Variants in PWWP2B observed in about 807,000 individuals in gnomAD.
The protein encoded by PWWP2B is PWWP domain containing 2B.
A neutral mutation model predicts 15.5 loss-of-function variants in PWWP2B; 9 were observed. The ratio of observed to expected loss-of-function variants is 0.58; its 90% CI spans 0.35 to 1.02. The LOEUF (loss-of-function observed/expected upper bound fraction) is 1.02, where lower values mean the gene tolerates loss of function less well. Among genes scored for constraint, PWWP2B ranks in the 50% least tolerant of loss-of-function variants. The pLI, the probability that PWWP2B is intolerant of heterozygous loss-of-function variation, is 0.02. For missense variants in PWWP2B, 864 were observed against 865.3 expected (o/e 1.00, Z 0.02); for synonymous variants, 474 against 403.6 (o/e 1.17, Z -2.09).
intron 1 of PWWP2B, among the ~76,000 whole-genome samples, 158 bp downstream of exon 1, chr10:132,397,509 G>A (rs1450859235): frequency 6.6e-6 from 1 of 151,128 alleles, no homozygotes; most frequent in African/African-American, 2.4e-5. Flanking sequence ...GCGCGAGCGC[G>A]GCCGCCACTC....
intron 1 of PWWP2B, among the ~76,000 whole-genome samples, chr10:132,403,919 C>G (rs1386567318): frequency 2.1e-5 from 3 of 145,872 alleles, no homozygotes; most frequent in Non-Finnish European, 4.6e-5. Flanking sequence ...TGGGCCATCT[C>G]CAGAGGGCTC....
intron 2 of PWWP2B, among the ~76,000 whole-genome samples, chr10:132,411,466 A>C (rs1267766855): frequency 6.6e-6 from 1 of 152,236 alleles, no homozygotes; most frequent in Non-Finnish European, 1.5e-5. Flanking sequence ...GGCACAGCCC[A>C]GGGTCCACCC....
In PWWP2B at chr10:132,417,408, G is replaced by T. The variant is rs1439042014; in HGVS notation, c.*364G>T. ...GCCTCACCTGCTGCCCGCATGCTGG[G>T]GTCCCATGGAGGAACCAGGCCTGGC... On this transcript the variant is annotated 3_prime_UTR_variant, in exon 3 of 3. Coordinates refer to ENST00000305233, the MANE Select transcript of PWWP2B (RefSeq NM_138499.4). The T allele has an allele frequency of 4.9e-6, 2 of 409,680 alleles. No homozygotes were observed. Among genetic ancestry groups the T allele is most frequent in the African/African-American group, 2.1e-5 (1 of 48,254 alleles). 25.4% of individuals were successfully genotyped at this position (409,680 alleles called of 1,614,324 possible). A position where few individuals can be genotyped will look rare whatever the true frequency, so the allele number is the denominator to read the frequency against.
chr10:132,412,550 G>C (rs904977140), intron 2 of PWWP2B, among the ~76,000 whole-genome samples: 1 of 152,202 alleles, frequency 6.6e-6, no homozygotes, highest in African/African-American at 2.4e-5. Flanking sequence ...GCTTGGGGTT[G>C]TTGGCCTAAT....
In PWWP2B at chr10:132,397,364, G is replaced by C; in HGVS notation, c.125+13G>C. ...ACTGCACGAAAAAGTGAGCGGGGGC[G>C]CGGGCCGGGACACCCCCGGGGTCCC... is the stretch of plus-strand genomic sequence containing the variant. On this transcript the variant is annotated intron_variant, in intron 1 of 2. Transcript: ENST00000305233. 1.5e-6 allele frequency: 2 copies of C among 1,308,216 alleles called. No individual in the cohort carries two copies. Among genetic ancestry groups the C allele is most frequent in the Non-Finnish European group, 2.0e-6 (2 of 1,019,424 alleles). 81.0% of individuals were successfully genotyped at this position (1,308,216 alleles called of 1,614,324 possible). A position where few individuals can be genotyped will look rare whatever the true frequency, so the allele number is the denominator to read the frequency against.
At chr10:132,411,047 T>G (rs1022794209) in intron 2 of PWWP2B, among the ~76,000 whole-genome samples, 15 of 152,266 alleles carry the variant, frequency 9.9e-5, no homozygotes, top group African/African-American at 2.9e-4. Context: ...CTTCTGTGAG[T>G]TTCCTGTAGC....
Position 132,417,157 on chromosome 10 carries a change from G to A in PWWP2B, c.*113G>A, listed in dbSNP as rs2069870310. On this transcript the variant is annotated 3_prime_UTR_variant, in exon 3 of 3. Transcript: ENST00000305233. ...TGGCCGGCTGCGTGCAGAGCCCACT[G>A]GGCACGGTGGTCGGCCTGGTGTGAG... The A allele has an allele frequency of 1.3e-6, 2 of 1,535,082 alleles. No individual in the cohort carries two copies. Among genetic ancestry groups the A allele is most frequent in the Non-Finnish European group, 1.8e-6 (2 of 1,109,526 alleles).
intron 1 of PWWP2B, among the ~76,000 whole-genome samples, chr10:132,403,991 G>A (rs954204890): frequency 1.7e-4 from 16 of 94,832 alleles, no homozygotes; most frequent in South Asian, 2.6e-4. Context: ...CCCTGCTCCC[G>A]TAGGACGGCA....
At chr10:132,402,667 T>G (rs2069628767) in intron 1 of PWWP2B, among the ~76,000 whole-genome samples, 3 of 152,236 alleles carry the variant, frequency 2.0e-5, no homozygotes, top group Admixed American at 1.3e-4. Flanking sequence ...GGAGGCCAGT[T>G]CTGGCTATGA....
At chr10:132,399,281 G>C (rs1308383628) in intron 1 of PWWP2B, among the ~76,000 whole-genome samples, 1 of 152,256 alleles carries the variant, frequency 6.6e-6, no homozygotes, top group African/African-American at 2.4e-5. Flanking sequence ...GCTGCTGGGA[G>C]CCCTATGACA....
chr10:132,405,433 C>T lies in PWWP2B; in HGVS notation c.933C>T (p.Ala311=), dbSNP rs768901930. Residue 311 remains alanine, a synonymous_variant, in exon 2 of 3, where the codon GCC becomes GCT. Coordinates refer to ENST00000305233, the MANE Select transcript of PWWP2B (RefSeq NM_138499.4). ...SRDRPSCAPS[A]SIPKLKLTRP... ...ACCGGCCGTCCTGCGCGCCCTCGGC[C>T]TCCATCCCCAAGTTGAAACTGACAC... 68 of 1,609,888 alleles carry T rather than the reference C, an allele frequency of 4.2e-5. No homozygotes were observed. Among genetic ancestry groups the T allele is most frequent in the Non-Finnish European group, 5.6e-5 (66 of 1,179,426 alleles).
chr10:132,404,499 C>T (rs2069654331), intron 1 of PWWP2B, 127 bp from the exon 2 acceptor site: 1 of 779,114 alleles, frequency 1.3e-6, no homozygotes, highest in Non-Finnish European at 2.2e-6. Flanking sequence ...CAGCCCTGGA[C>T]TCAGGGCATG....
intron 1 of PWWP2B, among the ~76,000 whole-genome samples, chr10:132,403,218 A>G (rs1365041040): frequency 6.8e-6 from 1 of 146,890 alleles, no homozygotes; most frequent in Non-Finnish European, 1.5e-5. Context: ...CCCACCCACC[A>G]CAGAGCAGAA....
intron 2 of PWWP2B, among the ~76,000 whole-genome samples, chr10:132,411,460 C>A (rs971955689): frequency 6.6e-6 from 1 of 152,230 alleles, no homozygotes; most frequent in Non-Finnish European, 1.5e-5. Flanking sequence ...AGCGCGGGCA[C>A]AGCCCAGGGT....
At chr10:132,399,641 C>T (rs1451244581) in intron 1 of PWWP2B, among the ~76,000 whole-genome samples, 1 of 152,260 alleles carries the variant, frequency 6.6e-6, no homozygotes, top group Non-Finnish European at 1.5e-5. Context: ...CTACTGTGTG[C>T]CAGGAAGTGG....
Position 132,406,100 on chromosome 10 carries a change from C to T in PWWP2B, c.1600C>T (p.Pro534Ser). 1.9e-6 allele frequency: 3 copies of T among 1,613,810 alleles called. No homozygotes were observed. The highest frequency in any genetic ancestry group is 2.2e-5 in the East Asian group (1 of 44,890). Residue 534 changes from proline (P) to serine (S), a missense_variant, in exon 2 of 3, where the codon CCG becomes TCG. Transcript: ENST00000305233. ...REAKVSWFGSPTTSFLSISKL... is the reference protein window; with the variant it reads ...REAKVSWFGSSTTSFLSISKL... ...AGCGAAGGTCTCGTGGTTTGGTTCT[C>T]CGACTACGTCGTTCTTGTCTATTTC...
intron 2 of PWWP2B, among the ~76,000 whole-genome samples, chr10:132,412,945 G>A (rs2069800983): frequency 6.6e-6 from 1 of 152,222 alleles, no homozygotes; most frequent in African/African-American, 2.4e-5. Context: ...TGCCATCTTG[G>A]GTCAGCTGGC....
At chr10:132,400,627 T>G (rs1218373623) in intron 1 of PWWP2B, among the ~76,000 whole-genome samples, 1 of 152,160 alleles carries the variant, frequency 6.6e-6, no homozygotes, top group African/African-American at 2.4e-5. Flanking sequence ...CCAGCAGGCC[T>G]GACCTGCCCG....
At position 132,405,689 on chromosome 10, in the gene PWWP2B, G is replaced by C. The variant is rs200615897; in HGVS notation, c.1189G>C (p.Gly397Arg). ...EDDDFKSCPQ[G>R]PQGREGLAFL... ...CGATGACTTCAAGAGCTGTCCCCAGGGTCCACAGGGACGCGAGGGCTTGGC... is the reference window on the plus strand; with the variant it reads ...CGATGACTTCAAGAGCTGTCCCCAGCGTCCACAGGGACGCGAGGGCTTGGC... The change falls in exon 2 of 3, where the codon GGT becomes CGT. Residue 397 changes from glycine to arginine, a missense_variant. Physicochemically the swap from Gly to Arg is moderately radical, Grantham distance 125. Coordinates refer to ENST00000305233, the MANE Select transcript of PWWP2B (RefSeq NM_138499.4). 4 of 1,612,288 alleles carry C rather than the reference G, an allele frequency of 2.5e-6. No individual in the cohort carries two copies. The highest frequency in any genetic ancestry group is 2.5e-6 in the Non-Finnish European group (3 of 1,179,904).
Sources: allele counts gnomAD v4.1 joint callset (sites outside exome capture counted in the v4.1 genomes callset), GRCh38; gene constraint gnomAD v4.1.1; transcripts MANE v1.5; gene names NCBI Gene and HGNC (gene_info 2026-07-23, HGNC 2026-07-21).